Variants in GARRE1 observed in about 807,000 individuals in gnomAD.
GARRE1 encodes granule associated Rac and RHOG effector 1, also known as granule associated Rac and RHOG effector protein 1.
Under a neutral mutation model 103.2 loss-of-function variants are expected in GARRE1, and 49 were observed. That is an observed-to-expected ratio of 0.47 (90% CI 0.38 to 0.60). GARRE1 has a LOEUF of 0.60. Among genes scored for constraint, GARRE1 ranks in the 20% least tolerant of loss-of-function variants. The pLI, the probability that GARRE1 is intolerant of heterozygous loss-of-function variation, is 0.00. For synonymous variants in GARRE1, 505 were observed against 532.8 expected (o/e 0.95, Z 0.72); for missense variants, 1,199 against 1,370.5 (o/e 0.87, Z 1.98).
intron 1 of GARRE1, among the ~76,000 whole-genome samples, chr19:34,267,143 G>A (rs2073757584): frequency 6.6e-6 from 1 of 152,152 alleles, no homozygotes; most frequent in Non-Finnish European, 1.5e-5. Flanking sequence ...GTGTGTGCCT[G>A]TAGTTCCAGC....
chr19:34,282,229 G>T (rs745683773), intron 1 of GARRE1, among the ~76,000 whole-genome samples: 4 of 141,200 alleles, frequency 2.8e-5, no homozygotes, highest in Non-Finnish European at 4.8e-5. Context: ...TCGGCTCACT[G>T]CAACCTCCGC....
At position 34,260,943 on chromosome 19, in the gene GARRE1, G is replaced by A. The variant is rs139658287; in HGVS notation, c.-796+6329G>A. On this transcript the variant is annotated intron_variant, in intron 1 of 13. Transcript: ENST00000299505. ...GACAGTGTCTGGAAATTGGGGTGGC[G>A]GGTCCAAGAGAGGAATTACGTGGTG... Among the ~76,000 whole-genome samples, 11 of 152,280 alleles carry A rather than the reference G, an allele frequency of 7.2e-5. No individual in the cohort carries two copies. In the East Asian group the frequency reaches 1.5e-3, roughly 21 times the overall value.
chr19:34,285,842 A>G (rs2145226370), intron 1 of GARRE1, among the ~76,000 whole-genome samples: 1 of 152,324 alleles, frequency 6.6e-6, no homozygotes, highest in African/African-American at 2.4e-5. Flanking sequence ...AGTTTTGATT[A>G]CAACAAAGAT....
At chr19:34,333,943 G>A in intron 8 of GARRE1, 142 bp downstream of exon 8, 1 of 655,556 alleles carries the variant, frequency 1.5e-6, no homozygotes, top group Non-Finnish European at 2.7e-6. Flanking sequence ...GGGCAGCAGT[G>A]GTATGTTAGT....
chr19:34,344,939 C>T (rs569794427), intron 10 of GARRE1, among the ~76,000 whole-genome samples: 2 of 151,882 alleles, frequency 1.3e-5, no homozygotes, highest in African/African-American at 4.8e-5. Context: ...CCCGAGTTCA[C>T]GCCATTCTCC....
chr19:34,292,367 A>G (rs2073922915), intron 1 of GARRE1, among the ~76,000 whole-genome samples: 2 of 152,250 alleles, frequency 1.3e-5, no homozygotes, highest in South Asian at 2.1e-4. Context: ...TTGTTTATTC[A>G]TTTGTCAGTT....
chr19:34,275,925 G>A (rs756100480), intron 1 of GARRE1, among the ~76,000 whole-genome samples: 9 of 152,198 alleles, frequency 5.9e-5, no homozygotes, highest in South Asian at 2.1e-4. Context: ...TAGTGGTTGC[G>A]AAGAGGTATC....
At chr19:34,349,877 G>T (rs1437010838) in intron 12 of GARRE1, among the ~76,000 whole-genome samples, 2 of 152,136 alleles carry the variant, frequency 1.3e-5, no homozygotes, top group African/African-American at 4.8e-5. Context: ...ATAGTAGTGG[G>T]GTGGGGGGTG....
chr19:34,278,821 A>C (rs969110841), intron 1 of GARRE1, among the ~76,000 whole-genome samples: 1 of 151,984 alleles, frequency 6.6e-6, no homozygotes, highest in Non-Finnish European at 1.5e-5. Flanking sequence ...ACAAGTGTGC[A>C]CCATAATGCC....
chr19:34,260,719 A>G (rs754464893), intron 1 of GARRE1, among the ~76,000 whole-genome samples: 1 of 152,256 alleles, frequency 6.6e-6, no homozygotes, highest in African/African-American at 2.4e-5. Context: ...CATACACATT[A>G]GCTATCTATA....
intron 10 of GARRE1, among the ~76,000 whole-genome samples, chr19:34,344,509 T>A (rs2074201345): frequency 6.8e-6 from 1 of 146,784 alleles, no homozygotes. Flanking sequence ...GAGAATGGCG[T>A]GAACCCGGGA....
intron 1 of GARRE1, 21 bp downstream of exon 1, chr19:34,254,635 G>A (rs893100857): frequency 2.7e-5 from 4 of 146,924 alleles, no homozygotes; most frequent in Admixed American, 1.4e-4. Flanking sequence ...GGCGCGGCGG[G>A]CGCAGGCGGG....
chr19:34,320,184 G>A (rs2074079741), intron 3 of GARRE1, 68 bp downstream of exon 3: 1 of 1,328,836 alleles, frequency 7.5e-7, no homozygotes, highest in Non-Finnish European at 1.1e-6. Flanking sequence ...GCCTTTGCCT[G>A]TTGATTCTCA....
In GARRE1 at chr19:34,327,348, T is replaced by A. The variant is rs1218026691; in HGVS notation, c.706-73T>A. On this transcript the variant is annotated intron_variant, in intron 3 of 13. Coordinates refer to ENST00000299505, the MANE Select transcript of GARRE1 (RefSeq NM_014686.5). ...TTACTTGAGGGGGTTTTTCTTGTTG[T>A]TGTTATTGTTGGTCTAATGTTGCTA... is the stretch of plus-strand genomic sequence containing the variant. The A allele has an allele frequency of 2.9e-6, 4 of 1,365,644 alleles. No individual in the cohort carries two copies. The Admixed American group carries it at 5.8e-5, about 20-fold the overall frequency. The allele number at this position is 1,365,644 out of a possible 1,614,324, so 84.6% of individuals were successfully genotyped here. A position where few individuals can be genotyped will look rare whatever the true frequency, so the allele number is the denominator to read the frequency against.
At chr19:34,337,430 G>A (rs191697094) in intron 8 of GARRE1, among the ~76,000 whole-genome samples, 79 of 152,308 alleles carry the variant, frequency 5.2e-4, no homozygotes, top group Admixed American at 2.2e-3. Context: ...GAGTCAGTCT[G>A]GAAGAGGGTC....
chr19:34,307,338 G>A (rs1226161131), intron 2 of GARRE1, among the ~76,000 whole-genome samples: 1 of 152,138 alleles, frequency 6.6e-6, no homozygotes, highest in South Asian at 2.1e-4. Flanking sequence ...GTTTTACGTT[G>A]GGTCCTCAGT....
At chr19:34,327,344 G>T in intron 3 of GARRE1, 77 bp from the exon 4 acceptor site, 1 of 1,341,212 alleles carries the variant, frequency 7.5e-7, no homozygotes, top group Non-Finnish European at 1.0e-6. Context: ...GGTTTTTCTT[G>T]TTGTTGTTAT....
chr19:34,258,712 C>T (rs951591401), intron 1 of GARRE1, among the ~76,000 whole-genome samples: 2 of 152,122 alleles, frequency 1.3e-5, no homozygotes, highest in East Asian at 3.9e-4. Flanking sequence ...ATGGTGTGAA[C>T]CTGGGAGGCG....
rs1291068876 is a variant in GARRE1, at chr19:34,257,953, G to A, written c.-796+3339G>A. ...TGCCCAGACTGGAGTGCAGTGGCTC[G>A]GTCTCAGCTCACTGCAACCTCTGGC... is the stretch of plus-strand genomic sequence containing the variant. On this transcript the variant is annotated intron_variant, in intron 1 of 13. Coordinates refer to ENST00000299505, the MANE Select transcript of GARRE1 (RefSeq NM_014686.5). Among the ~76,000 whole-genome samples the A allele has an allele frequency of 3.4e-5, 5 of 146,800 alleles. No homozygotes were observed. In the East Asian group the frequency reaches 6.1e-4, roughly 18 times the overall value.
Sources: gnomAD v4.1 joint callset for allele counts (sites outside exome capture counted in the v4.1 genomes callset) on GRCh38, gnomAD v4.1.1 for gene constraint, MANE v1.5 for transcripts, NCBI Gene and HGNC (gene_info 2026-07-23, HGNC 2026-07-21) for gene names.